The following DACH2 variants were observed in gnomAD, a reference collection of about 807,000 sequenced individuals.
The protein encoded by DACH2 is dachshund homolog 2.
In DACH2, 17 loss-of-function variants were observed where a neutral mutation model predicts 35.8. The observed-to-expected ratio is 0.48, with a 90% CI of 0.33 to 0.71. The LOEUF is 0.71. Ranked by LOEUF, DACH2 falls within the 30% of genes least tolerant of loss-of-function variation. The probability of loss-of-function intolerance (pLI) is 0.02; values close to 1 mark genes in which losing one functional copy is unlikely to be tolerated. For missense variants in DACH2, 469 were observed against 472.7 expected, an observed-to-expected ratio of 0.99 and a Z score of 0.07; for synonymous variants, 195 against 177.3, an observed-to-expected ratio of 1.10 and a Z score of -0.79.
At chrX:86,154,546 A>G (rs1212319546) in intron 1 of DACH2, among the ~76,000 whole-genome samples, 1 of 111,738 alleles carries the variant, frequency 8.9e-6, no homozygotes, top group African/African-American at 3.2e-5. Flanking sequence ...TGGACGGGAA[A>G]TTGAGCATTT....
intron 3 of DACH2, among the ~76,000 whole-genome samples, chrX:86,545,431 C>A (rs940950515): frequency 4.5e-5 from 5 of 111,452 alleles, no homozygotes; most frequent in African/African-American, 1.6e-4. Context: ...AAAAAAACTA[C>A]CTATTAGATA....
At chrX:86,376,926 C>T (rs1280782548) in intron 2 of DACH2, 64 bp downstream of exon 2, 15 of 496,344 alleles carry the variant, frequency 3.0e-5, no homozygotes, top group Non-Finnish European at 5.2e-5. Context: ...TGTACAGATT[C>T]AGCCACACTT....
At chrX:86,399,555 G>A (rs768144533) in intron 2 of DACH2, among the ~76,000 whole-genome samples, 2 of 111,726 alleles carry the variant, frequency 1.8e-5, no homozygotes, top group East Asian at 5.6e-4. Context: ...CTTCCTTCAG[G>A]AGCTCTTTTA....
At chrX:86,175,192 C>T (rs1165548559) in intron 1 of DACH2, among the ~76,000 whole-genome samples, 1 of 111,898 alleles carries the variant, frequency 8.9e-6, no homozygotes, top group Non-Finnish European at 1.9e-5. Flanking sequence ...TGACAAAGAA[C>T]ATCCAGTGAG....
chrX:86,430,926 A>C, intron 2 of DACH2, among the ~76,000 whole-genome samples: 1 of 111,819 alleles, frequency 8.9e-6, no homozygotes, highest in Middle Eastern at 4.6e-3. Context: ...GTTACCTAAA[A>C]ACCTTAGCTT....
chrX:86,294,648 G>T (rs778831953), intron 1 of DACH2, among the ~76,000 whole-genome samples: 2 of 109,160 alleles, frequency 1.8e-5, no homozygotes, highest in Admixed American at 2.0e-4. Context: ...TAACAGACAG[G>T]GCCCTCATCT....
intron 3 of DACH2, among the ~76,000 whole-genome samples, chrX:86,535,876 G>A (rs904848975): frequency 1.3e-4 from 14 of 111,187 alleles, no homozygotes; most frequent in Admixed American, 2.9e-4. Context: ...GAGAAACAGA[G>A]ACAATTAACA....
intron 2 of DACH2, among the ~76,000 whole-genome samples, chrX:86,426,561 A>G (rs2036897175): frequency 8.9e-6 from 1 of 111,937 alleles, no homozygotes; most frequent in African/African-American, 3.2e-5. Flanking sequence ...ACAGCGATAT[A>G]CTTTTTCCCA....
chrX:86,244,692 A>G (rs1238468925), intron 1 of DACH2, among the ~76,000 whole-genome samples: 13 of 111,778 alleles, frequency 1.2e-4, no homozygotes, highest in Admixed American at 2.9e-4. Flanking sequence ...TCTCTTGATC[A>G]TAGCTTCCTT....
intron 3 of DACH2, among the ~76,000 whole-genome samples, chrX:86,574,491 T>G (rs1298375919): frequency 2.7e-5 from 3 of 111,399 alleles, no homozygotes; most frequent in Non-Finnish European, 5.7e-5. Context: ...GAAATGCATG[T>G]GCCTAGGCTT....
At chrX:86,321,979 C>T (rs991511148) in intron 1 of DACH2, among the ~76,000 whole-genome samples, 1 of 110,176 alleles carries the variant, frequency 9.1e-6, no homozygotes, top group African/African-American at 3.3e-5. Flanking sequence ...GATGGTGGAG[C>T]TGGAGGAGCT....
chrX:86,441,280 T>C (rs1396461624), intron 2 of DACH2, among the ~76,000 whole-genome samples: 1 of 111,161 alleles, frequency 9.0e-6, no homozygotes, highest in Non-Finnish European at 1.9e-5. Context: ...CCAGTGCCCT[T>C]CCCAGCTTCT....
intron 1 of DACH2, among the ~76,000 whole-genome samples, chrX:86,369,018 A>T (rs1436533653): frequency 9.0e-6 from 1 of 111,301 alleles, no homozygotes; most frequent in Non-Finnish European, 1.9e-5. Context: ...TTTAATGTAT[A>T]TATTACATAT....
chrX:86,442,353 TTTTGTG>T (rs1296572415), intron 2 of DACH2, among the ~76,000 whole-genome samples: 3 of 75,352 alleles, frequency 4.0e-5, no homozygotes, highest in African/African-American at 1.5e-4. Flanking sequence ...TTAAGTAGTA[TTTTGTG>T]TGTGTGTGTG....
intron 1 of DACH2, among the ~76,000 whole-genome samples, chrX:86,238,038 A>G (rs1409059568): frequency 8.9e-6 from 1 of 111,791 alleles, no homozygotes; most frequent in Non-Finnish European, 1.9e-5. Context: ...AGCTCTTTCA[A>G]CCCTGCCATT....
chrX:86,522,257 T>C (rs1443155280), intron 3 of DACH2, among the ~76,000 whole-genome samples: 1 of 111,525 alleles, frequency 9.0e-6, no homozygotes, highest in Admixed American at 9.5e-5. Flanking sequence ...TGTGTGTGTA[T>C]GTGAATATGT....
chrX:86,398,013 C>G (rs1040598001), intron 2 of DACH2, among the ~76,000 whole-genome samples: 1 of 111,862 alleles, frequency 8.9e-6, no homozygotes, highest in Admixed American at 9.5e-5. Flanking sequence ...GTGAATCCAT[C>G]TGGTCCTGGA....
At chrX:86,409,043 A>G (rs1023270973) in intron 2 of DACH2, among the ~76,000 whole-genome samples, 1 of 111,782 alleles carries the variant, frequency 8.9e-6, no homozygotes, top group African/African-American at 3.3e-5. Flanking sequence ...AGGATAGTCC[A>G]GGGGAGTAGG....
At chrX:86,289,016 C>T in intron 1 of DACH2, among the ~76,000 whole-genome samples, 1 of 110,685 alleles carries the variant, frequency 9.0e-6, no homozygotes, top group Non-Finnish European at 1.9e-5. Flanking sequence ...GCCAGCAAGT[C>T]TCAGTGTCTC....
Sources: allele counts gnomAD v4.1 joint callset (sites outside exome capture counted in the v4.1 genomes callset), GRCh38; gene constraint gnomAD v4.1.1; transcripts MANE v1.5; gene names NCBI Gene and HGNC (gene_info 2026-07-23, HGNC 2026-07-21).